The following METTL15 variants were observed in gnomAD, a reference collection of about 807,000 sequenced individuals.
METTL15 encodes 12S rRNA N(4)-cytidine methyltransferase METTL15.
In METTL15, 34 loss-of-function variants were observed where a neutral mutation model predicts 38.3. The observed-to-expected ratio is 0.89, with a 90% CI of 0.68 to 1.18. The LOEUF is 1.18. Among genes scored for constraint, METTL15 ranks in the 50% most tolerant of loss-of-function variants. METTL15 has a pLI of 0.00. For missense variants in METTL15, 438 were observed against 498.4 expected (o/e 0.88, Z 1.15); for synonymous variants, 162 against 170.9 (o/e 0.95, Z 0.41).
At chr11:28,139,600 G>A (rs1849628012) in intron 3 of METTL15, among the ~76,000 whole-genome samples, 6 of 152,116 alleles carry the variant, frequency 3.9e-5, no homozygotes, top group Admixed American at 3.9e-4. Context: ...ATGGATGCTA[G>A]CATGACCTCT....
Position 28,330,612 on chromosome 11 carries a change from T to C in METTL15, c.995T>C (p.Phe332Ser). 6.4e-7 allele frequency: 1 copy of C among 1,551,418 alleles called. No homozygotes were observed. The highest frequency in any genetic ancestry group is 1.4e-5 in the African/African-American group (1 of 73,148). ...HSLEDRIVKR[F>S]LLGISMTERF... is the part of the protein sequence containing the mutation. ...CTAGAGGATCGCATCGTCAAAAGAT[T>C]TTTGCTTGGAATAAGCATGACAGAA... is the stretch of plus-strand genomic sequence containing the variant. Residue 332 changes from phenylalanine to serine, a missense_variant, in exon 7 of 7, where the codon TTT (phenylalanine) becomes TCT (serine). By Grantham distance (155) the Phe-to-Ser change is radical. Transcript: ENST00000407364.
intron 5 of METTL15, among the ~76,000 whole-genome samples, chr11:28,382,134 A>G (rs1373821036): frequency 2.0e-5 from 3 of 152,200 alleles, no homozygotes; most frequent in Non-Finnish European, 2.9e-5. Context: ...CTAGTAAAAA[A>G]TCAGAGTGTT....
intron 5 of METTL15, among the ~76,000 whole-genome samples, chr11:28,291,257 G>A (rs1856502525): frequency 6.6e-6 from 1 of 151,910 alleles, no homozygotes; most frequent in South Asian, 2.1e-4. Context: ...TGTTGTCCAG[G>A]CTGATCTGGA....
At chr11:28,285,967 CA>C (rs1420528000) in intron 4 of METTL15, among the ~76,000 whole-genome samples, 1 of 152,022 alleles carries the variant, frequency 6.6e-6, no homozygotes, top group Non-Finnish European at 1.5e-5. Flanking sequence ...TGTAGCTAAT[CA>C]AAAATCTACC....
intron 3 of METTL15, chr11:28,145,552 T>A (rs1485805215): frequency 6.6e-6 from 1 of 152,042 alleles, no homozygotes; most frequent in East Asian, 1.9e-4. Context: ...CACCTCGTCT[T>A]GTGCATTCTA....
chr11:28,365,982 G>A lies in METTL15; in HGVS notation c.*358+3946G>A, dbSNP rs185514759. 5.9e-3 allele frequency among the ~76,000 whole-genome samples: 900 copies of A among 152,162 alleles called. 10 individuals carry two copies. Among genetic ancestry groups the A allele is most frequent in the African/African-American group, 0.021 (865 of 41,522 alleles). On this transcript the variant is annotated intron_variant and NMD_transcript_variant, in intron 5 of 7. Coordinates refer to the METTL15 transcript ENST00000532947. Reference sequence around the variant, plus strand: ...GGAGAACAGCATGAACCTGGGAGGCGGAGCTTGCAGTGAGCTGAGATCATG... The same window carrying A: ...GGAGAACAGCATGAACCTGGGAGGCAGAGCTTGCAGTGAGCTGAGATCATG...
chr11:28,294,210 C>T (rs1295817033), intron 5 of METTL15, among the ~76,000 whole-genome samples: 1 of 151,790 alleles, frequency 6.6e-6, no homozygotes, highest in Non-Finnish European at 1.5e-5. Context: ...ATAGCTCTTA[C>T]AACAGCTCTG....
intron 3 of METTL15, among the ~76,000 whole-genome samples, chr11:28,138,214 A>C (rs903613206): frequency 1.5e-4 from 23 of 151,938 alleles, no homozygotes; most frequent in African/African-American, 5.6e-4. Context: ...TCATGTGTGC[A>C]TTAAGAGTAG....
chr11:28,319,484 G>C (rs1396828628), intron 6 of METTL15, among the ~76,000 whole-genome samples: 2 of 150,046 alleles, frequency 1.3e-5, no homozygotes, highest in Non-Finnish European at 3.0e-5. Context: ...AACTCATACT[G>C]ATCTAGACTT....
chr11:28,194,122 ATCTTTCTTTCTTTCTTTCTT>A (rs57046097), intron 3 of METTL15, among the ~76,000 whole-genome samples: 7 of 99,168 alleles, frequency 7.1e-5, no homozygotes, highest in African/African-American at 2.8e-4. Flanking sequence ...TTGATGGTTG[ATCTTTCTTTCTTTCTTTCTT>A]TCTTTCTTTC....
intron 5 of METTL15, among the ~76,000 whole-genome samples, chr11:28,413,545 C>T (rs1850747624): frequency 6.6e-6 from 1 of 152,102 alleles, no homozygotes; most frequent in Non-Finnish European, 1.5e-5. Context: ...GTCTCACGTT[C>T]TAATACTAAT....
chr11:28,176,826 A>G (rs1317250509), intron 3 of METTL15, among the ~76,000 whole-genome samples: 1 of 152,124 alleles, frequency 6.6e-6, no homozygotes, highest in African/African-American at 2.4e-5. Context: ...TAAAAAAGGA[A>G]ACATCCATAT....
chr11:28,455,216 CTTTTTT>C (rs34686157), intron 6 of METTL15, among the ~76,000 whole-genome samples: 1 of 85,824 alleles, frequency 1.2e-5, no homozygotes, highest in African/African-American at 4.4e-5. Context: ...GATCAGCTAG[CTTTTTT>C]TTTTTTTTTT....
At chr11:28,198,309 T>C (rs929184302) in intron 3 of METTL15, among the ~76,000 whole-genome samples, 4 of 152,078 alleles carry the variant, frequency 2.6e-5, no homozygotes, top group Non-Finnish European at 5.9e-5. Flanking sequence ...AAATACATCC[T>C]ATGTTACACA....
rs143124387 is a variant in METTL15 at position 28,323,294 on chromosome 11, T to C, written c.779-7102T>C. On this transcript the variant is annotated intron_variant, in intron 6 of 6. Coordinates refer to ENST00000407364, the MANE Select transcript of METTL15 (RefSeq NM_001113528.2). The stretch of plus-strand genomic sequence containing the variant: ...CCAACTGTTCTTGGTGCAAAGGTTT[T>C]ATAGCAGTGAATACAGTCTCTATTT... 7.3e-3 allele frequency among the ~76,000 whole-genome samples: 1,113 copies of C among 152,278 alleles called. 7 individuals are homozygous for C. Among genetic ancestry groups the C allele is most frequent in the Non-Finnish European group, 0.011 (730 of 68,014 alleles).
chr11:28,267,977 C>G (rs1005274840), intron 4 of METTL15, among the ~76,000 whole-genome samples: 6 of 151,842 alleles, frequency 4.0e-5, no homozygotes, highest in African/African-American at 1.5e-4. Flanking sequence ...GCGGGTGGAT[C>G]ACGAGGTCAG....
intron 3 of METTL15, among the ~76,000 whole-genome samples, chr11:28,173,449 C>T (rs1445016040): frequency 6.6e-6 from 1 of 152,210 alleles, no homozygotes; most frequent in Non-Finnish European, 1.5e-5. Flanking sequence ...TCTTAGATTT[C>T]ACAGCCTCCA....
intron 5 of METTL15, among the ~76,000 whole-genome samples, chr11:28,393,463 A>C (rs1359716258): frequency 6.6e-6 from 1 of 152,114 alleles, no homozygotes; most frequent in Non-Finnish European, 1.5e-5. Flanking sequence ...TTAGTTAGGC[A>C]TTTCTGGCTT....
At chr11:28,517,675 C>T (rs186604175) in intron 6 of METTL15, among the ~76,000 whole-genome samples, 40 of 152,302 alleles carry the variant, frequency 2.6e-4, no homozygotes, top group African/African-American at 9.4e-4. Context: ...CACTCCTTGC[C>T]GCTCTTTCCA....
Sources: gnomAD v4.1 joint callset for allele counts (sites outside exome capture counted in the v4.1 genomes callset) on GRCh38, gnomAD v4.1.1 for gene constraint, MANE v1.5 for transcripts, NCBI Gene and HGNC (gene_info 2026-07-23, HGNC 2026-07-21) for gene names.